HERC1: variants seen among roughly 807,000 people sequenced by gnomAD.
HERC1 encodes probable E3 ubiquitin-protein ligase HERC1.
Under a neutral mutation model 554.3 loss-of-function variants are expected in HERC1, and 160 were observed. The ratio of observed to expected loss-of-function variants is 0.29; its 90% confidence interval spans 0.25 to 0.33. The LOEUF (loss-of-function observed/expected upper bound fraction) is 0.33, where lower values mean the gene tolerates loss of function less well. Among genes scored for constraint, HERC1 ranks in the 10% least tolerant of loss-of-function variants. The pLI is 1.00. For synonymous variants in HERC1, 2,175 were observed against 2,131.7 expected, an observed-to-expected ratio of 1.02 and a Z score of -0.56; for missense variants, 4,919 against 5,918.5, an observed-to-expected ratio of 0.83 and a Z score of 5.54.
chr15:63,793,136 G>A (rs533540694), intron 1 of HERC1, among the ~76,000 whole-genome samples: 5 of 152,322 alleles, frequency 3.3e-5, no homozygotes, highest in South Asian at 2.1e-4. Flanking sequence ...TGCCAGAGGC[G>A]TCTGAACCAG....
chr15:63,688,883 G>A (rs1383659051), intron 33 of HERC1, among the ~76,000 whole-genome samples: 1 of 152,162 alleles, frequency 6.6e-6, no homozygotes, highest in African/African-American at 2.4e-5. Context: ...CAAAAAAAGG[G>A]GCTGGGGGAA....
intron 16 of HERC1, among the ~76,000 whole-genome samples, chr15:63,728,276 C>T (rs935682725): frequency 3.9e-4 from 60 of 152,272 alleles, no homozygotes; most frequent in African/African-American, 1.4e-3. Flanking sequence ...TGAGGGAATG[C>T]TTTCATATTT....
chr15:63,671,086 C>A (rs752399133), intron 39 of HERC1, among the ~76,000 whole-genome samples: 4 of 151,508 alleles, frequency 2.6e-5, no homozygotes, highest in Admixed American at 6.6e-5. Context: ...GCCTGTAATC[C>A]CAACTACTCA....
At chr15:63,698,666 C>T (rs1165968579) in intron 26 of HERC1, 62 bp downstream of exon 26, 1 of 1,492,718 alleles carries the variant, frequency 6.7e-7, no homozygotes, top group South Asian at 1.3e-5. Context: ...TAGAACTATA[C>T]ATTCAATGGT....
chr15:63,833,862 G>C lies in HERC1; in HGVS notation c.-62C>G, dbSNP rs2078261258. 2 of 152,822 alleles carry C rather than the reference G, an allele frequency of 1.3e-5. No individual in the cohort carries two copies. The highest frequency in any genetic ancestry group is 1.3e-4 in the Admixed American group (2 of 15,286). 9.5% of individuals were successfully genotyped at this position (152,822 alleles called of 1,614,324 possible). A position where few individuals can be genotyped will look rare whatever the true frequency, so the allele number is the denominator to read the frequency against. The stretch of plus-strand genomic sequence containing the variant: ...AGCTGGCGGGGTGGGGCGCGGCTCC[G>C]GCGACCCGAGCCCGGCTCCGCAGAG... On this transcript the variant is annotated 5_prime_UTR_variant, in exon 1 of 78. Coordinates refer to ENST00000443617, the MANE Select transcript of HERC1 (RefSeq NM_003922.4).
Position 63,680,293 on chromosome 15 carries a change from T to C in HERC1, c.6466-133A>G. On this transcript the variant is annotated intron_variant, in intron 35 of 77. Coordinates refer to ENST00000443617, the MANE Select transcript of HERC1 (RefSeq NM_003922.4). This position sits in a 1 kb window ranked among gnomAD's most constrained non-coding sequence, Gnocchi z 5.8. ...TACTAGATCAAATTCTCAATTAACC[T>C]TGCTAACCGAGAAAATTCTACATAT... 7.9e-6 allele frequency: 6 copies of C among 762,972 alleles called. No individual in the cohort carries two copies. Among genetic ancestry groups the C allele is most frequent in the Non-Finnish European group, 1.2e-5 (6 of 483,226 alleles). 47.3% of individuals were successfully genotyped at this position (762,972 alleles called of 1,614,324 possible).
chr15:63,665,300 A>C (rs2070564881), intron 42 of HERC1, among the ~76,000 whole-genome samples: 1 of 152,178 alleles, frequency 6.6e-6, no homozygotes, highest in Non-Finnish European at 1.5e-5. Context: ...TTGGAAGACC[A>C]AGGTGGGTGG....
At chr15:63,757,241 A>G (rs1263571781) in intron 4 of HERC1, among the ~76,000 whole-genome samples, 3 of 151,076 alleles carry the variant, frequency 2.0e-5, no homozygotes, top group Admixed American at 6.6e-5. Context: ...TCTAGCAAAA[A>G]GAAATTCCAG....
chr15:63,673,331 C>A (rs1219689583), intron 38 of HERC1, among the ~76,000 whole-genome samples: 2 of 152,122 alleles, frequency 1.3e-5, no homozygotes, highest in African/African-American at 4.8e-5. Flanking sequence ...TCACAATCAT[C>A]ATGATCTTAA....
chr15:63,827,241 A>C (rs55892920), intron 1 of HERC1, among the ~76,000 whole-genome samples: 1,608 of 152,224 alleles, frequency 0.011, 22 homozygotes, highest in African/African-American at 0.037. Flanking sequence ...CCTGGGCAAC[A>C]TGACAAAACC....
chr15:63,752,999 C>A lies in HERC1; in HGVS notation c.1861G>T (p.Ala621Ser). The change falls in exon 8 of 78, where the codon GCT becomes TCT. Residue 621 changes from alanine (A) to serine (S), a missense_variant. This residue lies in a region of HERC1 where 744 missense variants were observed against 1,090.0 expected (regional missense o/e 0.68). Coordinates refer to ENST00000443617, the MANE Select transcript of HERC1 (RefSeq NM_003922.4). ...AAAGCAAGTGAAGACTGGCTCCCAG[C>A]ACAAACTTTGCGAATGAACATTCCT... Reference protein sequence around the residue: ...LQGMFIRKVCAGSQSSLALTS... With the variant: ...LQGMFIRKVCSGSQSSLALTS... The A allele has an allele frequency of 6.2e-7, 1 of 1,613,696 alleles. No individual in the cohort carries two copies. The highest frequency in any genetic ancestry group is 8.5e-7 in the Non-Finnish European group (1 of 1,179,686).
chr15:63,662,868 T>G, intron 44 of HERC1, 116 bp downstream of exon 44: 8 of 701,002 alleles, frequency 1.1e-5, no homozygotes, highest in Non-Finnish European at 1.9e-5. Flanking sequence ...AACCTCAGGA[T>G]GAGATAAAAG....
intron 2 of HERC1, among the ~76,000 whole-genome samples, chr15:63,766,165 G>A (rs1435678886): frequency 1.3e-4 from 19 of 151,726 alleles, no homozygotes; most frequent in Non-Finnish European, 1.5e-5. Context: ...ATATTAAAAT[G>A]TATTTATACT....
At chr15:63,701,517 C>T (rs2072722986) in intron 25 of HERC1, among the ~76,000 whole-genome samples, 1 of 152,186 alleles carries the variant, frequency 6.6e-6, no homozygotes, top group South Asian at 2.1e-4. Flanking sequence ...GTGACAACTA[C>T]ACAACTCTGC....
chr15:63,686,303 T>C, intron 34 of HERC1, 56 bp downstream of exon 34: 1 of 1,303,612 alleles, frequency 7.7e-7, no homozygotes, highest in Non-Finnish European at 1.1e-6. Flanking sequence ...TATAAGAACC[T>C]GGAAAAAAAA....
At chr15:63,617,017 TTTA>T (rs1470657994) in intron 74 of HERC1, among the ~76,000 whole-genome samples, 1 of 152,114 alleles carries the variant, frequency 6.6e-6, no homozygotes, top group South Asian at 2.1e-4. Context: ...TTTTTTTTTT[TTTA>T]TTATTATACT....
chr15:63,647,904 G>A (rs1566970468), intron 55 of HERC1, among the ~76,000 whole-genome samples, 165 bp downstream of exon 55: 1 of 152,218 alleles, frequency 6.6e-6, no homozygotes, highest in African/African-American at 2.4e-5. Flanking sequence ...TGGAAGGTGA[G>A]GGCTGGGAGG....
chr15:63,713,632 A>T lies in HERC1; in HGVS notation c.4184T>A (p.Val1395Glu), dbSNP rs1399707046. The change falls in exon 23 of 78, where the codon GTA becomes GAA. Residue 1395 changes from valine (V) to glutamate (E), a missense_variant. By Grantham distance (121) the Val-to-Glu change is moderately radical (BLOSUM62 -2). This residue lies in a region of HERC1 where 1,121 missense variants were observed against 1,244.0 expected (regional missense o/e 0.90). Transcript: ENST00000443617. Reference sequence around the variant, plus strand: ...TCTATCTCGGTCTCGGCTACGAGCTACTTCACGGGCTGAGAGGAAACACTG... The same window carrying T: ...TCTATCTCGGTCTCGGCTACGAGCTTCTTCACGGGCTGAGAGGAAACACTG... ...IFQCFLSARE[V>E]ARSRDRDRMN... 6.2e-7 allele frequency: 1 copy of T among 1,612,644 alleles called. No individual in the cohort carries two copies. The highest frequency in any genetic ancestry group is 1.7e-5 in the Admixed American group (1 of 59,810).
In HERC1 at chr15:63,736,677, C is replaced by T. The variant is rs144077302; in HGVS notation, c.2521-1828G>A. On this transcript the variant is annotated intron_variant, in intron 12 of 77. Transcript: ENST00000443617. ...AGGCTGGAGCACAGTGGCACAATCT[C>T]GGCTCACGGCAACCTCCACCTCTGG... Among the ~76,000 whole-genome samples, 416 of 151,846 alleles carry T rather than the reference C, an allele frequency of 2.7e-3. 1 individual carries two copies. The highest frequency in any genetic ancestry group is 9.4e-3 in the African/African-American group (390 of 41,394).
Sources: gnomAD v4.1 joint callset for allele counts (sites outside exome capture counted in the v4.1 genomes callset) on GRCh38, gnomAD v4.1.1 for gene constraint, gnomAD v4.1.1 regional missense constraint, Gnocchi (gnomAD v3.1) non-coding constraint, MANE v1.5 for transcripts, NCBI Gene and HGNC (gene_info 2026-07-23, HGNC 2026-07-21) for gene names.